UQCC1: variants seen among roughly 807,000 people sequenced by gnomAD.
UQCC1 encodes the protein ubiquinol-cytochrome c reductase complex assembly factor 1.
UQCC1 carries 38 observed loss-of-function variants against 48.0 expected under a neutral mutation model. The observed-to-expected ratio is 0.79, with a 90% confidence interval of 0.61 to 1.04. The LOEUF (loss-of-function observed/expected upper bound fraction) is 1.04. Ranked by LOEUF, UQCC1 falls within the 50% of genes least tolerant of loss-of-function variation. The pLI is 0.00. For missense variants in UQCC1, 368 were observed against 381.8 expected (o/e 0.96, Z 0.30); for synonymous variants, 111 against 129.2 (o/e 0.86, Z 0.95).
At chr20:35,386,334 T>A (rs1176264263) in intron 2 of UQCC1, 1 of 456,344 alleles carries the variant, frequency 2.2e-6, no homozygotes. Context: ...TCAATTCTGG[T>A]TTATTCCAAG....
At position 35,308,389 on chromosome 20, in the gene UQCC1, T is replaced by C. The variant is rs796177626; in HGVS notation, c.652-1610A>G. 6.6e-5 allele frequency among the ~76,000 whole-genome samples: 10 copies of C among 152,380 alleles called. 1 individual carries two copies. In the South Asian group the frequency reaches 2.1e-3, roughly 32 times the overall value. On this transcript the variant is annotated intron_variant, in intron 8 of 9. Transcript: ENST00000374385. Reference sequence around the variant, plus strand: ...ACAGCGTGCCTGTGTCTGCTGTGCCTGGGCACATGCCAGAGCGCTGCTGGC... The same window carrying C: ...ACAGCGTGCCTGTGTCTGCTGTGCCCGGGCACATGCCAGAGCGCTGCTGGC...
intron 7 of UQCC1, among the ~76,000 whole-genome samples, chr20:35,327,151 C>T (rs897870939): frequency 6.6e-6 from 1 of 152,218 alleles, no homozygotes; most frequent in Non-Finnish European, 1.5e-5. Flanking sequence ...TTCTTCTTCT[C>T]CACAGCAATG....
chr20:35,324,349 C>T (rs563833712), intron 7 of UQCC1, among the ~76,000 whole-genome samples: 7 of 152,066 alleles, frequency 4.6e-5, no homozygotes, highest in African/African-American at 9.6e-5. Context: ...CTTTTTGAGA[C>T]GCAGTCTTGC....
chr20:35,384,735 G>A (rs745884527), intron 2 of UQCC1: 17 of 412,978 alleles, frequency 4.1e-5, no homozygotes, highest in South Asian at 3.6e-5. Context: ...TTGGGAGGCC[G>A]AGGTGGATGG....
intron 6 of UQCC1, among the ~76,000 whole-genome samples, chr20:35,352,241 A>AGTTCAGGAT (rs1289052791): frequency 1.3e-5 from 2 of 152,252 alleles, no homozygotes; most frequent in Non-Finnish European, 1.5e-5. Context: ...GCCATGGAAG[A>AGTTCAGGAT]GTTCAGGATG....
chr20:35,329,455 A>G (rs751587540), intron 7 of UQCC1, among the ~76,000 whole-genome samples: 2 of 152,194 alleles, frequency 1.3e-5, no homozygotes, highest in Non-Finnish European at 1.5e-5. Context: ...AAGACCAGCT[A>G]AAGAGAGGAC....
intron 1 of UQCC1, among the ~76,000 whole-genome samples, chr20:35,408,383 G>A (rs1392676414): frequency 6.6e-6 from 1 of 151,418 alleles, no homozygotes; most frequent in African/African-American, 2.4e-5. Context: ...AGCTGTCATT[G>A]GGCCACTGCA....
chr20:35,304,089 A>G lies in UQCC1; in HGVS notation c.766-20T>C. ...CTGTATCTGCAACCAGGGGAGGGGG[A>G]AGGAGGAAGCGACAGAGGCAGGGCA... On this transcript the variant is annotated intron_variant, in intron 9 of 9. Coordinates refer to ENST00000374385, the MANE Select transcript of UQCC1 (RefSeq NM_018244.5). The G allele has an allele frequency of 1.2e-6, 2 of 1,613,162 alleles. No individual in the cohort carries two copies. Among genetic ancestry groups the G allele is most frequent in the South Asian group, 1.1e-5 (1 of 91,018 alleles).
intron 2 of UQCC1, chr20:35,392,185 C>A: frequency 8.0e-7 from 1 of 1,248,784 alleles, no homozygotes. Flanking sequence ...TTCTAATTAA[C>A]AAAACTCTTT....
chr20:35,335,939 G>A (rs552841378), intron 7 of UQCC1, among the ~76,000 whole-genome samples: 2 of 152,332 alleles, frequency 1.3e-5, no homozygotes, highest in Middle Eastern at 6.8e-3. Flanking sequence ...GGATGCCAAG[G>A]TGGGAGGATC....
chr20:35,395,386 G>T (rs1168136576), intron 1 of UQCC1, among the ~76,000 whole-genome samples: 1 of 151,992 alleles, frequency 6.6e-6, no homozygotes, highest in East Asian at 1.9e-4. Flanking sequence ...CTTTTGAGAG[G>T]CTGAAGCAGG....
At chr20:35,396,908 T>A (rs533454718) in intron 1 of UQCC1, among the ~76,000 whole-genome samples, 2 of 152,290 alleles carry the variant, frequency 1.3e-5, no homozygotes, top group Non-Finnish European at 2.9e-5. Context: ...GTAGACCTTA[T>A]AGGGCCATAA....
intron 1 of UQCC1, among the ~76,000 whole-genome samples, chr20:35,400,817 G>A (rs1170294688): frequency 1.3e-5 from 2 of 152,026 alleles, no homozygotes; most frequent in East Asian, 3.9e-4. Context: ...TTTAAGATAG[G>A]CTTCATGTTT....
At chr20:35,370,948 G>A (rs1389070835) in intron 5 of UQCC1, among the ~76,000 whole-genome samples, 4 of 152,144 alleles carry the variant, frequency 2.6e-5, no homozygotes, top group Non-Finnish European at 5.9e-5. Context: ...TAGCCCCTTT[G>A]AGCCTCAACT....
At chr20:35,404,539 CA>C (rs536734087) in intron 1 of UQCC1, among the ~76,000 whole-genome samples, 11 of 143,910 alleles carry the variant, frequency 7.6e-5, no homozygotes, top group Admixed American at 1.4e-4. Flanking sequence ...GACTCCATCT[CA>C]AAAAAAAAAG....
chr20:35,368,031 CAG>C (rs925933856), intron 5 of UQCC1, among the ~76,000 whole-genome samples: 1 of 152,088 alleles, frequency 6.6e-6, no homozygotes, highest in African/African-American at 2.4e-5. Flanking sequence ...TATTACATAA[CAG>C]GGAGAAAAGC....
chr20:35,380,090 A>G (rs568279153), intron 4 of UQCC1, among the ~76,000 whole-genome samples: 3 of 152,304 alleles, frequency 2.0e-5, no homozygotes, highest in South Asian at 4.1e-4. Flanking sequence ...GAAATGAATA[A>G]AACTGTAAAT....
intron 4 of UQCC1, among the ~76,000 whole-genome samples, chr20:35,379,198 A>G (rs1293429691): frequency 1.3e-5 from 2 of 152,234 alleles, no homozygotes; most frequent in Admixed American, 6.5e-5. Context: ...GGTAAGGGAA[A>G]GCTACATTTA....
intron 6 of UQCC1, among the ~76,000 whole-genome samples, chr20:35,348,491 G>C (rs551479077): frequency 6.6e-6 from 1 of 152,250 alleles, no homozygotes; most frequent in South Asian, 2.1e-4. Context: ...CCGGGTTCTT[G>C]CCATTCTCCT....
Sources: gnomAD v4.1 joint callset for allele counts (sites outside exome capture counted in the v4.1 genomes callset) on GRCh38, gnomAD v4.1.1 for gene constraint, MANE v1.5 for transcripts, NCBI Gene and HGNC (gene_info 2026-07-23, HGNC 2026-07-21) for gene names.